The following ULK4 variants were observed in gnomAD, a reference collection of about 807,000 sequenced individuals.
The protein encoded by ULK4 is inactive serine/threonine-protein kinase ULK4.
ULK4 carries 133 observed loss-of-function variants against 160.6 expected under a neutral mutation model. The ratio of observed to expected loss-of-function variants is 0.83; its 90% CI spans 0.72 to 0.96. The LOEUF is 0.96. ULK4 is among the 40% of genes least tolerant of loss of function. The pLI is 0.00. For missense variants in ULK4, 1,580 were observed against 1,499.5 expected, an observed-to-expected ratio of 1.05 and a Z score of -0.89; for synonymous variants, 534 against 539.8, an observed-to-expected ratio of 0.99 and a Z score of 0.15.
In ULK4 at chr3:41,367,094, A is replaced by G. The variant is rs548152764; in HGVS notation, c.3678+30985T>C. Among the ~76,000 whole-genome samples the G allele has an allele frequency of 8.5e-5, 13 of 152,262 alleles. No homozygotes were observed. In the East Asian group the frequency reaches 2.5e-3, roughly 29 times the overall value. On this transcript the variant is annotated intron_variant, in intron 35 of 36. Transcript: ENST00000301831. ...TTTTTAAAGACCTGTTTCTTACATT[A>G]TCTTTGTTTTTTCCATGACCATTGG...
intron 35 of ULK4, among the ~76,000 whole-genome samples, chr3:41,395,191 CAAAAAAAA>C (rs11365283): frequency 9.4e-6 from 1 of 106,378 alleles, no homozygotes; most frequent in Non-Finnish European, 2.1e-5. Context: ...GAAAGCACTC[CAAAAAAAA>C]AAAAAAAAAA....
intron 27 of ULK4, among the ~76,000 whole-genome samples, chr3:41,699,478 A>G (rs1311173598): frequency 2.0e-5 from 3 of 152,194 alleles, no homozygotes; most frequent in Non-Finnish European, 4.4e-5. Flanking sequence ...CTTTGCTATT[A>G]ATAATATTTT....
chr3:41,670,327 C>G (rs1461829788), intron 29 of ULK4, among the ~76,000 whole-genome samples: 1 of 152,098 alleles, frequency 6.6e-6, no homozygotes, highest in African/African-American at 2.4e-5. Context: ...AAAATGTGAA[C>G]TAGATGACAT....
At chr3:41,427,688 G>C (rs888411634) in intron 34 of ULK4, among the ~76,000 whole-genome samples, 1 of 152,168 alleles carries the variant, frequency 6.6e-6, no homozygotes, top group Non-Finnish European at 1.5e-5. Flanking sequence ...TATCTCAACA[G>C]ATGCAGAAAA....
chr3:41,641,300 C>T (rs924417237), intron 30 of ULK4, among the ~76,000 whole-genome samples: 2 of 152,196 alleles, frequency 1.3e-5, no homozygotes, highest in African/African-American at 4.8e-5. Context: ...AATCCTTTTG[C>T]TTCTGAAGAT....
At chr3:41,560,620 T>A (rs1056998951) in intron 32 of ULK4, among the ~76,000 whole-genome samples, 8 of 152,318 alleles carry the variant, frequency 5.3e-5, no homozygotes, top group East Asian at 1.9e-4. Context: ...ATTCTCTTTG[T>A]AGCAATTGTG....
chr3:41,645,130 T>C lies in ULK4; in HGVS notation c.3071+18477A>G, dbSNP rs201945653. ...CAGGGGTCTATCAATTTTGTTGATCTTTTCAAAAAACCAGCTCCTGGATTC... is the reference window on the plus strand; with the variant it reads ...CAGGGGTCTATCAATTTTGTTGATCCTTTCAAAAAACCAGCTCCTGGATTC... On this transcript the variant is annotated intron_variant, in intron 30 of 36. Coordinates refer to ENST00000301831, the MANE Select transcript of ULK4 (RefSeq NM_017886.4). Among the ~76,000 whole-genome samples the C allele has an allele frequency of 3.2e-4, 49 of 152,258 alleles. No homozygotes were observed. In the East Asian group the frequency reaches 9.1e-3, roughly 28 times the overall value.
At chr3:41,492,475 G>C (rs2084818288) in intron 32 of ULK4, among the ~76,000 whole-genome samples, 1 of 150,902 alleles carries the variant, frequency 6.6e-6, no homozygotes, top group Non-Finnish European at 1.5e-5. Flanking sequence ...GCAAAATCAT[G>C]CCAAAATGTA....
chr3:41,305,586 G>T (rs2079894307), intron 35 of ULK4, among the ~76,000 whole-genome samples: 1 of 152,212 alleles, frequency 6.6e-6, no homozygotes, highest in Non-Finnish European at 1.5e-5. Context: ...CCACCTCCCA[G>T]CCGCCTGCCT....
Position 41,679,549 on chromosome 3 carries a change from G to A in ULK4, c.2978+1959C>T, listed in dbSNP as rs189537730. ...ATTTATGTTATTGAACTGCCATGTG[G>A]TTTACATTTACATTTTCCTCTTTAA... On this transcript the variant is annotated intron_variant, in intron 29 of 36. Transcript: ENST00000301831. Among the ~76,000 whole-genome samples the A allele has an allele frequency of 1.5e-3, 225 of 152,248 alleles. 1 individual carries two copies. Among genetic ancestry groups the A allele is most frequent in the African/African-American group, 5.3e-3 (220 of 41,552 alleles).
chr3:41,740,587 G>T (rs1426102291), intron 22 of ULK4, among the ~76,000 whole-genome samples: 1 of 151,910 alleles, frequency 6.6e-6, no homozygotes, highest in African/African-American at 2.4e-5. Context: ...ATGCTAGACA[G>T]ATTTCAGAGC....
intron 19 of ULK4, among the ~76,000 whole-genome samples, chr3:41,802,824 T>C (rs1338490286): frequency 6.6e-6 from 1 of 152,166 alleles, no homozygotes; most frequent in Non-Finnish European, 1.5e-5. Flanking sequence ...TGTATATCAT[T>C]ACTTGCAGGT....
chr3:41,737,218 T>C (rs1243762605), intron 22 of ULK4, among the ~76,000 whole-genome samples: 4 of 151,766 alleles, frequency 2.6e-5, no homozygotes, highest in Non-Finnish European at 4.4e-5. Context: ...TATACACCAA[T>C]AACAGACAAA....
intron 31 of ULK4, among the ~76,000 whole-genome samples, chr3:41,570,751 T>C (rs2087944704): frequency 6.6e-6 from 1 of 152,200 alleles, no homozygotes; most frequent in Non-Finnish European, 1.5e-5. Flanking sequence ...ATATAGGTAC[T>C]TCCTTCAATA....
chr3:41,668,173 CAG>C (rs1474035228), intron 29 of ULK4, among the ~76,000 whole-genome samples: 2 of 152,160 alleles, frequency 1.3e-5, no homozygotes, highest in Non-Finnish European at 2.9e-5. Flanking sequence ...TTCATCTCAA[CAG>C]AGTGTGCTCT....
At chr3:41,440,277 G>T (rs2083133365) in intron 34 of ULK4, among the ~76,000 whole-genome samples, 2 of 152,120 alleles carry the variant, frequency 1.3e-5, no homozygotes, top group African/African-American at 4.8e-5. Context: ...TTGTGTTTCA[G>T]ATCTTAGGTA....
chr3:41,505,822 T>C (rs2085353962), intron 32 of ULK4, among the ~76,000 whole-genome samples: 1 of 152,130 alleles, frequency 6.6e-6, no homozygotes, highest in Non-Finnish European at 1.5e-5. Flanking sequence ...TAACTTATTG[T>C]CCTGGCTAGG....
At position 41,446,389 on chromosome 3, in the gene ULK4, G is replaced by T. The variant is rs556592390; in HGVS notation, c.3492+9108C>A. ...TCCCTTTACTGGGTATATACCCAAA[G>T]GATTATAAATCATGCTGCCATAAAG... On this transcript the variant is annotated intron_variant, in intron 34 of 36. Transcript: ENST00000301831. 2.7e-4 allele frequency among the ~76,000 whole-genome samples: 41 copies of T among 152,106 alleles called. 1 individual carries two copies. The highest frequency in any genetic ancestry group is 2.4e-3 in the Admixed American group (36 of 15,280).
intron 31 of ULK4, among the ~76,000 whole-genome samples, chr3:41,591,070 C>T (rs1559417734): frequency 1.3e-5 from 2 of 151,154 alleles, no homozygotes; most frequent in Admixed American, 6.6e-5. Context: ...TGCTGACAAT[C>T]AGAAAAGAGA....
Sources: allele counts gnomAD v4.1 joint callset (sites outside exome capture counted in the v4.1 genomes callset), GRCh38; gene constraint gnomAD v4.1.1; transcripts MANE v1.5; gene names NCBI Gene and HGNC (gene_info 2026-07-23, HGNC 2026-07-21).